Variants in RAD51B observed in about 807,000 individuals in gnomAD.
RAD51B encodes the protein DNA repair protein RAD51 homolog 2.
Under a neutral mutation model 42.2 loss-of-function variants are expected in RAD51B, and 38 were observed. The ratio of observed to expected loss-of-function variants is 0.90; its 90% CI spans 0.70 to 1.18. The LOEUF (loss-of-function observed/expected upper bound fraction) is 1.18. Among genes scored for constraint, RAD51B ranks in the 50% most tolerant of loss-of-function variants. RAD51B has a pLI of 0.00. For missense variants in RAD51B, 373 were observed against 400.7 expected, an observed-to-expected ratio of 0.93 and a Z score of 0.59; for synonymous variants, 154 against 145.2, an observed-to-expected ratio of 1.06 and a Z score of -0.43.
At chr14:68,080,279 ATCTTATTTAT>A (rs1566628811) in intron 7 of RAD51B, among the ~76,000 whole-genome samples, 1 of 152,136 alleles carries the variant, frequency 6.6e-6, no homozygotes, top group Non-Finnish European at 1.5e-5. Context: ...TATCAACTTA[ATCTTATTTAT>A]TTTCTGTCCA....
intron 7 of RAD51B, among the ~76,000 whole-genome samples, chr14:68,030,000 ATCTT>A (rs992719959): frequency 1.3e-5 from 2 of 152,208 alleles, no homozygotes; most frequent in African/African-American, 4.8e-5. Flanking sequence ...TTTGAAATGA[ATCTT>A]TCTTCTGAGC....
At chr14:67,987,669 A>G (rs1566558614) in intron 7 of RAD51B, among the ~76,000 whole-genome samples, 1 of 152,170 alleles carries the variant, frequency 6.6e-6, no homozygotes, top group Non-Finnish European at 1.5e-5. Context: ...TTCTGGGGCA[A>G]TTACTATCTC....
intron 8 of RAD51B, among the ~76,000 whole-genome samples, chr14:68,319,612 A>C (rs2082122157): frequency 6.6e-6 from 1 of 152,176 alleles, no homozygotes; most frequent in Admixed American, 6.5e-5. Context: ...TGGCTCACCT[A>C]GGTCTACTGT....
In RAD51B at chr14:68,468,210, A is replaced by G. The variant is rs1040025308; in HGVS notation, c.996A>G (p.Ser332=). ...IAKSPLAPFT[S]FVYTIKEEGL... ...AGTCCCCTCTGGCTCCCTTCACCTC[A>G]TTTGTCTACACCATCAAGGAGGAAG... is the stretch of plus-strand genomic sequence containing the variant. The change falls in exon 10 of 11, where the codon TCA becomes TCG. Residue 332 remains serine, a synonymous_variant. Coordinates refer to ENST00000471583, the MANE Select transcript of RAD51B (RefSeq NM_133510.4). 3.7e-6 allele frequency: 6 copies of G among 1,613,770 alleles called. No homozygotes were observed. The African/African-American group carries it at 8.0e-5, about 22-fold the overall frequency.
chr14:68,229,535 T>C (rs758534916), intron 7 of RAD51B, among the ~76,000 whole-genome samples: 1 of 152,222 alleles, frequency 6.6e-6, no homozygotes, highest in Non-Finnish European at 1.5e-5. Context: ...TTATATGTTG[T>C]AGAATGAGAA....
chr14:67,979,662 A>C (rs774772333), intron 7 of RAD51B, among the ~76,000 whole-genome samples: 1 of 152,174 alleles, frequency 6.6e-6, no homozygotes, highest in Non-Finnish European at 1.5e-5. Flanking sequence ...ATTTTTCAAC[A>C]GTACTTTTGA....
chr14:68,558,317 C>A (rs1888963441), intron 10 of RAD51B, among the ~76,000 whole-genome samples: 1 of 152,244 alleles, frequency 6.6e-6, no homozygotes, highest in African/African-American at 2.4e-5. Context: ...AAGCCCAATG[C>A]TGACATGAAG....
chr14:67,877,730 A>G (rs766299140), intron 5 of RAD51B, among the ~76,000 whole-genome samples: 2 of 152,314 alleles, frequency 1.3e-5, no homozygotes, highest in Non-Finnish European at 2.9e-5. Context: ...TGGCACAATC[A>G]TAGCTCACTG....
At chr14:68,032,283 G>T (rs895311302) in intron 7 of RAD51B, among the ~76,000 whole-genome samples, 1 of 152,048 alleles carries the variant, frequency 6.6e-6, no homozygotes, top group Non-Finnish European at 1.5e-5. Context: ...AGAGTCTCTT[G>T]TCTTAAGAAA....
rs67048671 is a variant in RAD51B, at chr14:68,308,704, TA to T, written c.853+16743del. Among the ~76,000 whole-genome samples, 105 of 104,304 alleles carry T rather than the reference TA, an allele frequency of 1.0e-3. 1 individual carries two copies. The highest frequency in any genetic ancestry group is 5.7e-3 in the East Asian group (21 of 3,658). The allele number at this position is 104,304 out of a possible 152,430, so 68.4% of individuals were successfully genotyped here. ...TCACTGTCATTTATATCTGTGTCAT[TA>T]AAAAAAAAAAAAAAAAAAGGGCTGT... On this transcript the variant is annotated intron_variant, in intron 8 of 10. Transcript: ENST00000471583.
intron 7 of RAD51B, among the ~76,000 whole-genome samples, chr14:68,065,318 A>G (rs1258909163): frequency 1.3e-5 from 2 of 152,080 alleles, no homozygotes; most frequent in Non-Finnish European, 2.9e-5. Flanking sequence ...CTCCCTTGAG[A>G]GTGGGGCACT....
chr14:67,823,983 TTGA>T (rs1232864481), intron 2 of RAD51B, among the ~76,000 whole-genome samples: 1 of 152,266 alleles, frequency 6.6e-6, no homozygotes, highest in Non-Finnish European at 1.5e-5. Context: ...CATTTTCTTA[TTGA>T]TGGAGCATGA....
intron 10 of RAD51B, among the ~76,000 whole-genome samples, chr14:68,474,837 C>T (rs192271835): frequency 1.3e-3 from 193 of 152,328 alleles, no homozygotes; most frequent in Non-Finnish European, 2.5e-3. Flanking sequence ...ATAAGTTTGG[C>T]CAGGTGTAAC....
intron 7 of RAD51B, among the ~76,000 whole-genome samples, chr14:67,919,851 A>T (rs1566958220): frequency 6.6e-6 from 1 of 152,246 alleles, no homozygotes; most frequent in Non-Finnish European, 1.5e-5. Flanking sequence ...TCAGAAACCT[A>T]GTATTTAGCT....
At chr14:68,312,451 C>T (rs2081982694) in intron 8 of RAD51B, among the ~76,000 whole-genome samples, 1 of 152,218 alleles carries the variant, frequency 6.6e-6, no homozygotes, top group Non-Finnish European at 1.5e-5. Context: ...TCAGTCTTCA[C>T]AGACCTGCAA....
At chr14:68,424,814 G>A (rs552243229) in intron 9 of RAD51B, among the ~76,000 whole-genome samples, 8 of 152,098 alleles carry the variant, frequency 5.3e-5, no homozygotes, top group Admixed American at 6.5e-5. Flanking sequence ...TTGCTGTGTC[G>A]CCCAGGCTGG....
At chr14:68,504,722 A>G (rs1885184911) in intron 10 of RAD51B, among the ~76,000 whole-genome samples, 1 of 129,904 alleles carries the variant, frequency 7.7e-6, no homozygotes, top group African/African-American at 3.1e-5. Flanking sequence ...TTCCTGGCTT[A>G]AAAAATAATT....
intron 10 of RAD51B, among the ~76,000 whole-genome samples, chr14:68,505,546 C>CTTTTTTTTTTTTTT (rs34764928): frequency 8.9e-6 from 1 of 112,092 alleles, no homozygotes; most frequent in Non-Finnish European, 1.8e-5. Context: ...ATTAGCCAAT[C>CTTTTTTTTTTTTTT]TTTTTTTTTT....
rs1470286212 is a variant in RAD51B, at chr14:68,254,211, G to A, written c.757-37673G>A. Among the ~76,000 whole-genome samples the A allele has an allele frequency of 3.9e-5, 6 of 152,142 alleles. No individual in the cohort carries two copies. In the South Asian group the frequency reaches 8.3e-4, roughly 21 times the overall value. On this transcript the variant is annotated intron_variant, in intron 7 of 10. Coordinates refer to ENST00000471583, the MANE Select transcript of RAD51B (RefSeq NM_133510.4). ...GCAGCTTTGATCTGAATGATTTTGTGGAATCTCATGTTGCTCCTAGATTAA... is the reference window on the plus strand; with the variant it reads ...GCAGCTTTGATCTGAATGATTTTGTAGAATCTCATGTTGCTCCTAGATTAA...
Sources: gnomAD v4.1 joint callset for allele counts (sites outside exome capture counted in the v4.1 genomes callset) on GRCh38, gnomAD v4.1.1 for gene constraint, MANE v1.5 for transcripts, NCBI Gene and HGNC (gene_info 2026-07-23, HGNC 2026-07-21) for gene names.